KCNMB2: variants seen among roughly 807,000 people sequenced by gnomAD.
KCNMB2 encodes calcium-activated potassium channel subunit beta-2.
In KCNMB2, 9 loss-of-function variants were observed where a neutral mutation model predicts 24.5. The observed-to-expected ratio is 0.37, with a 90% CI of 0.22 to 0.64. The LOEUF (loss-of-function observed/expected upper bound fraction) is 0.64. Ranked by LOEUF, KCNMB2 falls within the 30% of genes least tolerant of loss-of-function variation. The pLI is 0.63. For synonymous variants in KCNMB2, 109 were observed against 104.4 expected (o/e 1.04, Z -0.27); for missense variants, 226 against 284.3 (o/e 0.79, Z 1.47).
At chr3:178,757,213 A>C (rs1268459221) in intron 1 of KCNMB2, 1 of 148,040 alleles carries the variant, frequency 6.8e-6, no homozygotes, top group African/African-American at 2.5e-5. Flanking sequence ...ACAATCAAAA[A>C]TTACCAGTGA....
chr3:178,561,287 G>T (rs1162325053), intron 1 of KCNMB2, among the ~76,000 whole-genome samples: 1 of 152,102 alleles, frequency 6.6e-6, no homozygotes, highest in Non-Finnish European at 1.5e-5. Flanking sequence ...ATAATGCAAG[G>T]ATTATTATAA....
chr3:178,600,682 A>T (rs1718048435), intron 1 of KCNMB2, among the ~76,000 whole-genome samples: 1 of 152,188 alleles, frequency 6.6e-6, no homozygotes, highest in Non-Finnish European at 1.5e-5. Flanking sequence ...GGGCAAGGGC[A>T]GACATCTCTC....
intron 1 of KCNMB2, among the ~76,000 whole-genome samples, chr3:178,758,709 GAT>G (rs1227255505): frequency 1.4e-3 from 2 of 1,402 alleles, no homozygotes; most frequent in African/African-American, 8.1e-3. Flanking sequence ...TACAAGAGGA[GAT>G]ATATATATAT....
At chr3:178,755,011 A>G (rs1723982241) in intron 1 of KCNMB2, among the ~76,000 whole-genome samples, 1 of 152,244 alleles carries the variant, frequency 6.6e-6, no homozygotes, top group South Asian at 2.1e-4. Flanking sequence ...TGCAGAGCAG[A>G]TGGACCATTT....
At chr3:178,790,079 G>T (rs1713263215) in intron 1 of KCNMB2, among the ~76,000 whole-genome samples, 1 of 151,740 alleles carries the variant, frequency 6.6e-6, no homozygotes, top group Admixed American at 6.6e-5. Context: ...AACCACAGTG[G>T]AATATGGCAC....
At chr3:178,537,511 A>C (rs1356925641) in intron 1 of KCNMB2, 1 of 152,200 alleles carries the variant, frequency 6.6e-6, no homozygotes, top group Non-Finnish European at 1.5e-5. Flanking sequence ...CAAAGATGGG[A>C]GGGGCAGTTG....
chr3:178,714,702 C>T (rs1338148311), intron 1 of KCNMB2, among the ~76,000 whole-genome samples: 1 of 152,154 alleles, frequency 6.6e-6, no homozygotes, highest in African/African-American at 2.4e-5. Flanking sequence ...GGTAGGTGGG[C>T]AGTTTTGCTC....
At chr3:178,595,009 A>G (rs1229270865) in intron 1 of KCNMB2, among the ~76,000 whole-genome samples, 1 of 145,800 alleles carries the variant, frequency 6.9e-6, no homozygotes, top group Non-Finnish European at 1.5e-5. Flanking sequence ...TTGAATATTG[A>G]ATTACTAACG....
At chr3:178,571,238 C>A (rs1036509083) in intron 1 of KCNMB2, among the ~76,000 whole-genome samples, 1 of 151,428 alleles carries the variant, frequency 6.6e-6, no homozygotes, top group Non-Finnish European at 1.5e-5. Flanking sequence ...AGCTTCACGG[C>A]TTTCCCTGGC....
chr3:178,700,469 A>T (rs1325404423), intron 1 of KCNMB2, among the ~76,000 whole-genome samples: 2 of 152,254 alleles, frequency 1.3e-5, no homozygotes, highest in African/African-American at 4.8e-5. Context: ...ACTGGAACTT[A>T]GATTCAGTGA....
chr3:178,695,937 C>G (rs1559977830), intron 1 of KCNMB2, among the ~76,000 whole-genome samples: 1 of 152,152 alleles, frequency 6.6e-6, no homozygotes, highest in Non-Finnish European at 1.5e-5. Context: ...CCCCATTCTC[C>G]CAGCACCAAT....
intron 1 of KCNMB2, among the ~76,000 whole-genome samples, chr3:178,794,724 T>C (rs774183944): frequency 6.6e-6 from 1 of 152,188 alleles, no homozygotes; most frequent in Non-Finnish European, 1.5e-5. Context: ...AATGACATGA[T>C]GTACCCAAAA....
chr3:178,761,017 T>C (rs1170126543), intron 1 of KCNMB2, among the ~76,000 whole-genome samples: 5 of 152,188 alleles, frequency 3.3e-5, no homozygotes, highest in Non-Finnish European at 5.9e-5. Context: ...ATAAGGTCTT[T>C]AATCCCTTGA....
At chr3:178,570,512 T>C (rs1184815456) in intron 1 of KCNMB2, among the ~76,000 whole-genome samples, 3 of 118,238 alleles carry the variant, frequency 2.5e-5, no homozygotes, top group Non-Finnish European at 5.0e-5. Context: ...AAGGTAATGA[T>C]ACCTTTTTTT....
At chr3:178,831,420 T>G (rs1015335362) in intron 4 of KCNMB2, among the ~76,000 whole-genome samples, 2 of 152,160 alleles carry the variant, frequency 1.3e-5, no homozygotes, top group Non-Finnish European at 2.9e-5. Flanking sequence ...ATACAAATTG[T>G]TCTGCCACAA....
intron 1 of KCNMB2, among the ~76,000 whole-genome samples, chr3:178,596,992 T>A (rs1577037125): frequency 6.6e-6 from 1 of 152,096 alleles, no homozygotes; most frequent in African/African-American, 2.4e-5. Flanking sequence ...ACAGGGTGGG[T>A]GGAGTTTCCA....
chr3:178,721,250 G>C (rs1428113305), intron 1 of KCNMB2, among the ~76,000 whole-genome samples: 1 of 152,136 alleles, frequency 6.6e-6, no homozygotes, highest in Non-Finnish European at 1.5e-5. Context: ...CCCATTGCTT[G>C]TTTTTCTCAG....
At chr3:178,833,698 G>T (rs550028985) in intron 4 of KCNMB2, among the ~76,000 whole-genome samples, 1 of 152,262 alleles carries the variant, frequency 6.6e-6, no homozygotes, top group East Asian at 1.9e-4. Flanking sequence ...GAGGCGAAAG[G>T]ATATTAGTCA....
chr3:178,749,961 G>T (rs1345170538), intron 1 of KCNMB2, among the ~76,000 whole-genome samples: 1 of 152,146 alleles, frequency 6.6e-6, no homozygotes. Flanking sequence ...GAAGACAGAG[G>T]CTCTTTCCCA....
Sources: allele counts gnomAD v4.1 joint callset (sites outside exome capture counted in the v4.1 genomes callset), GRCh38; gene constraint gnomAD v4.1.1; transcripts MANE v1.5; gene names NCBI Gene and HGNC (gene_info 2026-07-23, HGNC 2026-07-21).